The following MBD5 variants were observed in gnomAD, a reference collection of about 807,000 sequenced individuals.
The protein encoded by MBD5 is methyl-CpG-binding domain protein 5.
Under a neutral mutation model 117.3 loss-of-function variants are expected in MBD5, and 13 were observed. That is an observed-to-expected ratio of 0.11 (90% CI 0.07 to 0.18). The LOEUF is 0.18. Ranked by LOEUF, MBD5 falls within the 10% of genes least tolerant of loss-of-function variation. The probability of loss-of-function intolerance (pLI) is 1.00; values close to 1 mark genes in which losing one functional copy is unlikely to be tolerated. For synonymous variants in MBD5, 727 were observed against 766.4 expected, an observed-to-expected ratio of 0.95 and a Z score of 0.85; for missense variants, 1,879 against 2,093.8, an observed-to-expected ratio of 0.90 and a Z score of 2.00.
intron 4 of MBD5, chr2:148,447,811 A>G (rs1440394764): frequency 6.6e-6 from 1 of 152,114 alleles, no homozygotes; most frequent in Admixed American, 6.6e-5. Flanking sequence ...TACTTATATT[A>G]TTATTCTTAA....
chr2:148,330,115 A>ACACACACACACACACACACACACACACT (rs148068244), intron 3 of MBD5, among the ~76,000 whole-genome samples: 23 of 127,496 alleles, frequency 1.8e-4, no homozygotes, highest in Admixed American at 6.4e-4. Flanking sequence ...ACACACACAC[A>ACACACACACACACACACACACACACACT]CACTCTACCT....
chr2:148,227,183 T>C (rs1473479056), intron 2 of MBD5, among the ~76,000 whole-genome samples: 1 of 152,238 alleles, frequency 6.6e-6, no homozygotes, highest in Non-Finnish European at 1.5e-5. Context: ...CAGGAAGTCC[T>C]TGCCCATGCC....
chr2:148,355,529 A>C (rs1703359726), intron 4 of MBD5, among the ~76,000 whole-genome samples: 1 of 152,174 alleles, frequency 6.6e-6, no homozygotes, highest in South Asian at 2.1e-4. Flanking sequence ...AGCATTATTA[A>C]ATAGGGGATC....
chr2:148,431,973 A>G (rs112832592), intron 4 of MBD5, among the ~76,000 whole-genome samples: 20,902 of 152,138 alleles, frequency 0.14, 1,675 homozygotes, highest in Middle Eastern at 0.19. Flanking sequence ...GCTTTCCACA[A>G]TGGCTGAACC....
intron 4 of MBD5, among the ~76,000 whole-genome samples, chr2:148,442,289 A>G (rs1706351667): frequency 6.6e-6 from 1 of 151,358 alleles, no homozygotes; most frequent in Non-Finnish European, 1.5e-5. Context: ...TCATTCACTC[A>G]TCAAATATTT....
intron 3 of MBD5, among the ~76,000 whole-genome samples, chr2:148,298,272 A>G (rs1701702792): frequency 2.0e-5 from 3 of 152,190 alleles, no homozygotes; most frequent in African/African-American, 7.2e-5. Flanking sequence ...GTCATGAGAA[A>G]TGTTGATAGC....
intron 1 of MBD5, among the ~76,000 whole-genome samples, chr2:148,135,358 A>C (rs1697146928): frequency 6.6e-6 from 1 of 151,944 alleles, no homozygotes; most frequent in Admixed American, 6.6e-5. Context: ...CCCTCTCTGC[A>C]TTTTGCTGCA....
intron 1 of MBD5, among the ~76,000 whole-genome samples, chr2:148,135,622 T>A (rs1434201725): frequency 6.6e-6 from 1 of 152,144 alleles, no homozygotes; most frequent in African/African-American, 2.4e-5. Context: ...TACCCTTGAA[T>A]ACATTATTAT....
chr2:148,478,979 T>C (rs1291166487), intron 8 of MBD5, among the ~76,000 whole-genome samples: 2 of 152,152 alleles, frequency 1.3e-5, no homozygotes, highest in South Asian at 4.1e-4. Context: ...TAACAAAACA[T>C]TTTTCCCCAC....
intron 3 of MBD5, among the ~76,000 whole-genome samples, chr2:148,267,964 T>C (rs536982644): frequency 1.4e-3 from 207 of 151,040 alleles, no homozygotes; most frequent in African/African-American, 4.7e-3. Flanking sequence ...TTTTTTTTTT[T>C]TTTGAGACAG....
chr2:148,197,641 A>T (rs1215764850), intron 2 of MBD5, among the ~76,000 whole-genome samples: 1 of 152,160 alleles, frequency 6.6e-6, no homozygotes, highest in Non-Finnish European at 1.5e-5. Flanking sequence ...TACGTATTCT[A>T]TTAATAAAGT....
chr2:148,226,453 T>C (rs1374048363), intron 2 of MBD5, among the ~76,000 whole-genome samples: 1 of 152,208 alleles, frequency 6.6e-6, no homozygotes, highest in African/African-American at 2.4e-5. Flanking sequence ...CATCATTTTT[T>C]ATGGCTGCAT....
chr2:148,425,800 A>G (rs1166511209), intron 4 of MBD5, among the ~76,000 whole-genome samples: 2 of 152,218 alleles, frequency 1.3e-5, no homozygotes, highest in Non-Finnish European at 2.9e-5. Context: ...TGATTATCTC[A>G]ATAGATGCAG....
At chr2:148,157,758 A>G (rs1035905989) in intron 1 of MBD5, among the ~76,000 whole-genome samples, 1 of 152,224 alleles carries the variant, frequency 6.6e-6, no homozygotes, top group African/African-American at 2.4e-5. Flanking sequence ...TTTTGATACT[A>G]ATAATACACA....
At chr2:148,219,619 C>T (rs749265438) in intron 2 of MBD5, among the ~76,000 whole-genome samples, 5 of 152,102 alleles carry the variant, frequency 3.3e-5, no homozygotes, top group East Asian at 1.9e-4. Flanking sequence ...GTCCAATAAA[C>T]GTTTGCTATT....
At chr2:148,327,356 T>A (rs1455271348) in intron 3 of MBD5, among the ~76,000 whole-genome samples, 1 of 152,138 alleles carries the variant, frequency 6.6e-6, no homozygotes, top group Non-Finnish European at 1.5e-5. Flanking sequence ...TGGCGTTCTC[T>A]GTATTTCCTG....
At chr2:148,276,672 A>T (rs1040498084) in intron 3 of MBD5, among the ~76,000 whole-genome samples, 1 of 152,072 alleles carries the variant, frequency 6.6e-6, no homozygotes, top group Non-Finnish European at 1.5e-5. Context: ...TTTTATAGCA[A>T]TTTTTTCTCC....
Position 148,468,772 on chromosome 2 carries a change from T to G in MBD5, c.829T>G (p.Ser277Ala), listed in dbSNP as rs774233310. ...GAATAGGACTCCTCTTTCTCCACCT[T>G]CAGTAATGCTACATGGTTCTCCTGT... ...HLNRTPLSPP[S>A]VMLHGSPVQS... The change falls in exon 8 of 14, where the codon TCA becomes GCA. Residue 277 changes from serine to alanine, a missense_variant. Ser to Ala is a moderately conservative substitution (Grantham distance 99). Around this residue, in one of 4 missense-constraint regions of MBD5, gnomAD observed 1,666 missense variants for 1,792.2 expected, o/e 0.93. Transcript: ENST00000642680. 1.2e-6 allele frequency: 2 copies of G among 1,613,776 alleles called. No individual in the cohort carries two copies. The highest frequency in any genetic ancestry group is 1.7e-6 in the Non-Finnish European group (2 of 1,179,888).
intron 3 of MBD5, among the ~76,000 whole-genome samples, chr2:148,275,769 CTT>C (rs905502617): frequency 1.4e-5 from 2 of 145,076 alleles, no homozygotes; most frequent in African/African-American, 2.5e-5. Flanking sequence ...CTGGAAATCA[CTT>C]TTTTTTTTTG....
Sources: gnomAD v4.1 joint callset for allele counts (sites outside exome capture counted in the v4.1 genomes callset) on GRCh38, gnomAD v4.1.1 for gene constraint, gnomAD v4.1.1 regional missense constraint, MANE v1.5 for transcripts, NCBI Gene and HGNC (gene_info 2026-07-23, HGNC 2026-07-21) for gene names.